INPP5A: variants seen among roughly 807,000 people sequenced by gnomAD.
INPP5A encodes 43 kDa inositol polyphosphate 5-phophatase.
Under a neutral mutation model 65.2 loss-of-function variants are expected in INPP5A, and 14 were observed. That is an observed-to-expected ratio of 0.21 (90% CI 0.14 to 0.34). INPP5A has a LOEUF of 0.34. INPP5A is among the 10% of genes least tolerant of loss of function. The pLI is 1.00. For missense variants in INPP5A, 431 were observed against 545.6 expected, an observed-to-expected ratio of 0.79 and a Z score of 2.09; for synonymous variants, 207 against 208.3, an observed-to-expected ratio of 0.99 and a Z score of 0.05.
chr10:132,556,550 C>T (rs996459371), intron 1 of INPP5A, among the ~76,000 whole-genome samples: 7 of 152,208 alleles, frequency 4.6e-5, no homozygotes, highest in Non-Finnish European at 7.3e-5. Context: ...CATACACATG[C>T]ACAACATACA....
intron 4 of INPP5A, among the ~76,000 whole-genome samples, chr10:132,664,424 C>T (rs751157778): frequency 6.6e-6 from 1 of 152,266 alleles, no homozygotes; most frequent in Non-Finnish European, 1.5e-5. Context: ...ACAGCCTGCC[C>T]AGGACCCTGC....
chr10:132,779,209 C>T (rs548701274), intron 13 of INPP5A, among the ~76,000 whole-genome samples: 3 of 152,252 alleles, frequency 2.0e-5, no homozygotes, highest in Non-Finnish European at 4.4e-5. Flanking sequence ...GGAGTGGGCT[C>T]GGCCTGGAGC....
chr10:132,668,847 C>T (rs930508762), intron 4 of INPP5A, among the ~76,000 whole-genome samples: 10 of 152,158 alleles, frequency 6.6e-5, no homozygotes, highest in African/African-American at 9.7e-5. Context: ...CGAGCTCCAT[C>T]GCACGACCAC....
chr10:132,655,692 T>C (rs1376470051), intron 4 of INPP5A, among the ~76,000 whole-genome samples: 1 of 152,196 alleles, frequency 6.6e-6, no homozygotes, highest in Non-Finnish European at 1.5e-5. Flanking sequence ...GGGGGGCCTG[T>C]CACTGGGCTT....
chr10:132,706,056 A>G lies in INPP5A; in HGVS notation c.475-2257A>G, dbSNP rs1171672924. On this transcript the variant is annotated intron_variant, in intron 6 of 15. Transcript: ENST00000368594. The surrounding 1 kb of genome is among the most constrained non-coding windows in gnomAD (Gnocchi z 4.7). ...AACAGAAATAAAACAAGAAAAGGGAATATGAAGAGGAGCCTGTAGAAACAT... is the reference window on the plus strand; with the variant it reads ...AACAGAAATAAAACAAGAAAAGGGAGTATGAAGAGGAGCCTGTAGAAACAT... Among the ~76,000 whole-genome samples the G allele has an allele frequency of 1.3e-5, 2 of 152,252 alleles. No individual in the cohort carries two copies. The highest frequency in any genetic ancestry group is 2.9e-5 in the Non-Finnish European group (2 of 68,042).
chr10:132,722,587 T>C (rs1186685121), intron 8 of INPP5A, among the ~76,000 whole-genome samples: 1 of 152,162 alleles, frequency 6.6e-6, no homozygotes, highest in Non-Finnish European at 1.5e-5. Flanking sequence ...TTCGGAACGT[T>C]CAACCCGTGA....
At chr10:132,681,627 CT>C (rs1351234145) in intron 4 of INPP5A, among the ~76,000 whole-genome samples, 12 of 152,182 alleles carry the variant, frequency 7.9e-5, no homozygotes, top group Admixed American at 7.9e-4. Flanking sequence ...GAGTTGGAAC[CT>C]TTGTGCACGT....
intron 1 of INPP5A, among the ~76,000 whole-genome samples, chr10:132,581,624 C>T (rs142537429): frequency 4.6e-5 from 7 of 152,230 alleles, no homozygotes; most frequent in African/African-American, 1.4e-4. Context: ...TTATTGGCAT[C>T]TCTTTGAGGA....
At chr10:132,608,075 G>A in intron 2 of INPP5A, 119 bp downstream of exon 2, 5 of 899,954 alleles carry the variant, frequency 5.6e-6, no homozygotes, top group Non-Finnish European at 9.0e-6. Flanking sequence ...CCTGGGCTGT[G>A]GCTGGGTCTC....
intron 5 of INPP5A, among the ~76,000 whole-genome samples, chr10:132,692,612 C>G (rs1239807693): frequency 6.6e-6 from 1 of 152,172 alleles, no homozygotes; most frequent in African/African-American, 2.4e-5. Context: ...TTACATTGGA[C>G]CTTTTCCCAG....
chr10:132,623,953 A>G (rs1348634980), intron 2 of INPP5A, among the ~76,000 whole-genome samples: 1 of 152,262 alleles, frequency 6.6e-6, no homozygotes, highest in East Asian at 1.9e-4. Context: ...CATAATCAGT[A>G]CGTGCCTATT....
chr10:132,686,150 C>G (rs2073111070), intron 4 of INPP5A, among the ~76,000 whole-genome samples: 1 of 152,218 alleles, frequency 6.6e-6, no homozygotes, highest in Non-Finnish European at 1.5e-5. Context: ...TAGCCGGGGT[C>G]TGGATCTCCT....
chr10:132,773,256 G>A (rs559083574), intron 12 of INPP5A, among the ~76,000 whole-genome samples: 1 of 152,356 alleles, frequency 6.6e-6, no homozygotes, highest in African/African-American at 2.4e-5. Flanking sequence ...TTTATCATAC[G>A]CAGAGCAGGT....
rs2073005304 is a variant in INPP5A, at chr10:132,678,842, G to A, written c.307-11550G>A. ...TCAAGAGGGCTGCTTGGAGGAGGCT[G>A]CATTTCCACAGAGACCTGAAGCAGC... On this transcript the variant is annotated intron_variant, in intron 4 of 15. Transcript: ENST00000368594. The surrounding 1 kb of genome is among the most constrained non-coding windows in gnomAD (Gnocchi z 4.1). 6.6e-6 allele frequency among the ~76,000 whole-genome samples: 1 copy of A among 152,226 alleles called. No homozygotes were observed. The highest frequency in any genetic ancestry group is 2.1e-4 in the South Asian group (1 of 4,828).
At chr10:132,775,896 G>C (rs981060978) in intron 12 of INPP5A, among the ~76,000 whole-genome samples, 22 of 152,188 alleles carry the variant, frequency 1.4e-4, no homozygotes, top group Non-Finnish European at 2.6e-4. Flanking sequence ...TGCATGAGGA[G>C]GGAGAACTGG....
rs184189185 is a variant in INPP5A at position 132,681,085 on chromosome 10, C to T, written c.307-9307C>T. ...GGCAGCTCCACCTGCAGCCCCAGTG[C>T]GGGATCCACCGTGTGAAGCCAGCTG... On this transcript the variant is annotated intron_variant, in intron 4 of 15. Coordinates refer to ENST00000368594, the MANE Select transcript of INPP5A (RefSeq NM_005539.5). Among the ~76,000 whole-genome samples the T allele has an allele frequency of 2.0e-3, 309 of 152,352 alleles. 8 individuals are homozygous for T. The East Asian group carries it at 0.039, about 19-fold the overall frequency.
rs1053092732 is a variant in INPP5A at position 132,717,793 on chromosome 10, T to TA, written c.647+7337_647+7338insA. Among the ~76,000 whole-genome samples the TA allele has an allele frequency of 2.2e-4, 32 of 147,240 alleles. 1 individual carries two copies. The highest frequency in any genetic ancestry group is 4.6e-4 in the Non-Finnish European group (31 of 67,560). On this transcript the variant is annotated intron_variant, in intron 8 of 15. Coordinates refer to ENST00000368594, the MANE Select transcript of INPP5A (RefSeq NM_005539.5). ...GTCTGGGCACCTTAGACGACTGTCT[T>TA]CAGGGTTCTGTGGTACCTGGGTTCT... is the stretch of plus-strand genomic sequence containing the variant.
intron 1 of INPP5A, among the ~76,000 whole-genome samples, chr10:132,568,705 C>T (rs1476610258): frequency 6.6e-6 from 1 of 152,014 alleles, no homozygotes; most frequent in African/African-American, 2.4e-5. Flanking sequence ...TCCAGTGAGC[C>T]GAGATTGCAC....
At position 132,705,845 on chromosome 10, in the gene INPP5A, G is replaced by C. The variant is rs968479720; in HGVS notation, c.475-2468G>C. On this transcript the variant is annotated intron_variant, in intron 6 of 15. Coordinates refer to ENST00000368594, the MANE Select transcript of INPP5A (RefSeq NM_005539.5). The surrounding 1 kb of genome is among the most constrained non-coding windows in gnomAD (Gnocchi z 4.9). ...GGCCATGGAACTGCACAGGTGAGGA[G>C]GGGGCGCCTCTCACTCCCCAGGAGA... Among the ~76,000 whole-genome samples, 8 of 152,142 alleles carry C rather than the reference G, an allele frequency of 5.3e-5. No individual in the cohort carries two copies. Among genetic ancestry groups the C allele is most frequent in the African/African-American group, 1.9e-4 (8 of 41,410 alleles).
Sources: allele counts gnomAD v4.1 joint callset (sites outside exome capture counted in the v4.1 genomes callset), GRCh38; gene constraint gnomAD v4.1.1; non-coding constraint Gnocchi (gnomAD v3.1); transcripts MANE v1.5; gene names NCBI Gene and HGNC (gene_info 2026-07-23, HGNC 2026-07-21).